GGACT: variants seen among roughly 807,000 people sequenced by gnomAD.
GGACT encodes gamma-glutamylaminecyclotransferase.
For missense variants in GGACT, 241 were observed against 233.2 expected (o/e 1.03, Z -0.22); for synonymous variants, 118 against 115.3 (o/e 1.02, Z -0.15).
At chr13:100,540,951 CAT>C (rs902197878) in intron 2 of GGACT, among the ~76,000 whole-genome samples, 3 of 152,216 alleles carry the variant, frequency 2.0e-5, no homozygotes, top group African/African-American at 7.2e-5. Context: ...CTGAGAGCCA[CAT>C]GTTACTGTGT....
intron 2 of GGACT, among the ~76,000 whole-genome samples, chr13:100,577,418 A>AAAAAAAAAAAAT (rs144507106): frequency 1.4e-5 from 2 of 141,172 alleles, no homozygotes; most frequent in African/African-American, 5.2e-5. Context: ...CTCCATCTCA[A>AAAAAAAAAAAAT]AAATAAATAA....
chr13:100,549,559 G>T (rs1253900825), intron 2 of GGACT, among the ~76,000 whole-genome samples: 1 of 152,268 alleles, frequency 6.6e-6, no homozygotes, highest in Non-Finnish European at 1.5e-5. Context: ...CTGGTCTCTT[G>T]TGCCAGCGGC....
chr13:100,585,309 A>ACTT (rs1875534390), intron 1 of GGACT, among the ~76,000 whole-genome samples: 1 of 152,180 alleles, frequency 6.6e-6, no homozygotes, highest in Non-Finnish European at 1.5e-5. Flanking sequence ...GAAATTAAGT[A>ACTT]TTATTGGAAC....
chr13:100,549,029 G>A (rs188005460), intron 2 of GGACT, among the ~76,000 whole-genome samples: 56 of 152,372 alleles, frequency 3.7e-4, no homozygotes, highest in Admixed American at 6.5e-5. Context: ...TCCACTACGC[G>A]TGGAGGCTGA....
At chr13:100,533,586 C>A (rs977374939) in intron 2 of GGACT, 8 of 152,242 alleles carry the variant, frequency 5.3e-5, no homozygotes, top group Non-Finnish European at 1.2e-4. Flanking sequence ...GCAGTGAGAA[C>A]CCAGGTTTCA....
chr13:100,559,073 C>A (rs2088735182), intron 2 of GGACT, among the ~76,000 whole-genome samples: 1 of 152,128 alleles, frequency 6.6e-6, no homozygotes, highest in South Asian at 2.1e-4. Flanking sequence ...TCTAAACCCA[C>A]CACGGTGATC....
chr13:100,539,918 G>A (rs951748864), intron 2 of GGACT: 68 of 1,421,870 alleles, frequency 4.8e-5, no homozygotes, highest in Non-Finnish European at 6.2e-5. Flanking sequence ...GGCTTTGGTG[G>A]GGGACGTGGG....
chr13:100,585,821 C>A, intron 1 of GGACT, among the ~76,000 whole-genome samples: 2 of 32,030 alleles, frequency 6.2e-5, no homozygotes, highest in Non-Finnish European at 1.3e-4. Flanking sequence ...CCTGTCTCCA[C>A]CAAAAAAAAA....
At chr13:100,536,490 TA>T (rs1206189226) in intron 2 of GGACT, 2 of 151,830 alleles carry the variant, frequency 1.3e-5, no homozygotes, top group African/African-American at 4.8e-5. Flanking sequence ...ATTTCCAATA[TA>T]TTTTTCTTGT....
chr13:100,564,336 G>A (rs1307968536), intron 2 of GGACT, among the ~76,000 whole-genome samples: 14 of 152,082 alleles, frequency 9.2e-5, no homozygotes, highest in Admixed American at 9.2e-4. Context: ...CAGAGAAGGG[G>A]CACTCCTTCA....
intron 2 of GGACT, among the ~76,000 whole-genome samples, chr13:100,555,358 GTACAAAAAA>G (rs2088701172): frequency 1.3e-5 from 2 of 151,986 alleles, no homozygotes; most frequent in Admixed American, 1.3e-4. Context: ...AACCCTGTCT[GTACAAAAAA>G]TACAAAAAAT....
intron 2 of GGACT, among the ~76,000 whole-genome samples, chr13:100,577,795 A>G (rs1232363641): frequency 6.6e-6 from 1 of 151,806 alleles, no homozygotes; most frequent in Non-Finnish European, 1.5e-5. Context: ...AAAAAAAGAG[A>G]GAAAGGGGAG....
At chr13:100,576,879 G>A (rs1470677356) in intron 2 of GGACT, among the ~76,000 whole-genome samples, 3 of 152,126 alleles carry the variant, frequency 2.0e-5, no homozygotes, top group Admixed American at 1.3e-4. Flanking sequence ...ACATTTTAAA[G>A]CTATTCACAT....
At chr13:100,584,338 C>T (rs1180423235) in intron 1 of GGACT, among the ~76,000 whole-genome samples, 2 of 152,136 alleles carry the variant, frequency 1.3e-5, no homozygotes, top group East Asian at 3.9e-4. Flanking sequence ...TATGGTGCAG[C>T]CGGAGGTCGT....
At chr13:100,551,677 G>A (rs907334678) in intron 2 of GGACT, among the ~76,000 whole-genome samples, 3 of 152,220 alleles carry the variant, frequency 2.0e-5, no homozygotes, top group Non-Finnish European at 2.9e-5. Context: ...CTGTGCCCAG[G>A]CAGAGAAGGG....
intron 2 of GGACT, among the ~76,000 whole-genome samples, chr13:100,548,886 C>T (rs1245953827): frequency 6.6e-6 from 1 of 152,214 alleles, no homozygotes; most frequent in East Asian, 1.9e-4. Flanking sequence ...ACCAGGGAGG[C>T]CACCACCCAA....
Position 100,532,288 on chromosome 13 carries a change from C to A in GGACT, c.304G>T (p.Ala102Ser), listed in dbSNP as rs1051580229. ...VLRVQLLEDRAPGAEEPPAPT... is the reference protein window; with the variant it reads ...VLRVQLLEDRSPGAEEPPAPT... ...GCTGGCGGCTCCTCTGCGCCCGGGGCCCGGTCCTCCAGCAGCTGTACCCGC... is the reference window on the plus strand; with the variant it reads ...GCTGGCGGCTCCTCTGCGCCCGGGGACCGGTCCTCCAGCAGCTGTACCCGC... The change falls in exon 3 of 3, where the codon GCC (alanine) becomes TCC (serine). Residue 102 changes from alanine to serine, a missense_variant. Ala to Ser is a moderately conservative substitution (Grantham distance 99, BLOSUM62 1). Transcript: ENST00000683975. 6 of 1,539,594 alleles carry A rather than the reference C, an allele frequency of 3.9e-6. No individual in the cohort carries two copies. The highest frequency in any genetic ancestry group is 1.4e-5 in the African/African-American group (1 of 72,760).
chr13:100,559,250 C>T (rs2088736712), intron 2 of GGACT, among the ~76,000 whole-genome samples: 1 of 152,162 alleles, frequency 6.6e-6, no homozygotes, highest in Non-Finnish European at 1.5e-5. Context: ...TGCAATGACA[C>T]AATCTTGGCT....
intron 2 of GGACT, among the ~76,000 whole-genome samples, chr13:100,555,672 TA>T (rs376584119): frequency 6.6e-6 from 1 of 150,756 alleles, no homozygotes; most frequent in Admixed American, 6.6e-5. Context: ...TCTCAAAAAA[TA>T]AAAAAAGAAA....
Sources: gnomAD v4.1 joint callset for allele counts (sites outside exome capture counted in the v4.1 genomes callset) on GRCh38, gnomAD v4.1.1 for gene constraint, MANE v1.5 for transcripts, NCBI Gene and HGNC (gene_info 2026-07-23, HGNC 2026-07-21) for gene names.